The following SEC14L5 variants were observed in gnomAD, a reference collection of about 807,000 sequenced individuals.
SEC14L5 encodes SEC14 like lipid binding 5, also known as SEC14-like protein 5.
Under a neutral mutation model 84.6 loss-of-function variants are expected in SEC14L5, and 96 were observed. The observed-to-expected ratio is 1.13, with a 90% CI of 0.96 to 1.34. The LOEUF is 1.34. Ranked by LOEUF, SEC14L5 falls within the 40% of genes most tolerant of loss-of-function variation. The pLI is 0.00. For missense variants in SEC14L5, 1,224 were observed against 942.5 expected (o/e 1.30, Z -3.91); for synonymous variants, 546 against 383.4 (o/e 1.42, Z -4.95).
chr16:4,996,371 A>G lies in SEC14L5; in HGVS notation c.691A>G (p.Ile231Val), dbSNP rs1205313800. The change falls in exon 7 of 16, where the codon ATT (isoleucine) becomes GTT (valine). Residue 231 changes from isoleucine (I) to valine (V), a missense_variant. By Grantham distance (29) the Ile-to-Val change is conservative. Coordinates refer to ENST00000251170, the MANE Select transcript of SEC14L5 (RefSeq NM_014692.2). ...AGGGGACAAGCTGGATGCGGACTAC[A>G]TTGAGAGGTGCCTGGGCCACCTCAC... ...MDGDKLDADY[I>V]ERCLGHLTPM... 1.3e-6 allele frequency: 2 copies of G among 1,562,772 alleles called. No individual in the cohort carries two copies. The highest frequency in any genetic ancestry group is 8.7e-7 in the Non-Finnish European group (1 of 1,154,076).
chr16:5,007,081 G>A (rs1486379996), intron 12 of SEC14L5, among the ~76,000 whole-genome samples: 1 of 152,148 alleles, frequency 6.6e-6, no homozygotes, highest in Admixed American at 6.5e-5. Context: ...GTGGGTTTGT[G>A]CCCTGGCTCA....
chr16:4,991,944 A>C lies in SEC14L5; in HGVS notation c.581A>C (p.Gln194Pro). 1.2e-6 allele frequency: 2 copies of C among 1,600,976 alleles called. No individual in the cohort carries two copies. The highest frequency in any genetic ancestry group is 1.7e-6 in the Non-Finnish European group (2 of 1,176,916). The stretch of plus-strand genomic sequence containing the variant: ...GTCCGTGAGGAGGATGCCCGCAACC[A>C]GGCTGGACCGAGGGACCCCAGCTCC... ...APVREEDARN[Q>P]AGPRDPSSLE... The change falls in exon 6 of 16, where the codon CAG becomes CCG. Residue 194 changes from glutamine (Q) to proline (P), a missense_variant. By Grantham distance (76) the Gln-to-Pro change is moderately conservative (BLOSUM62 -1). Transcript: ENST00000251170.
At chr16:4,975,930 A>T (rs1439305756) in intron 2 of SEC14L5, among the ~76,000 whole-genome samples, 3 of 152,176 alleles carry the variant, frequency 2.0e-5, no homozygotes, top group African/African-American at 7.2e-5. Context: ...CAGCTTGGAT[A>T]TTCTTTCTGC....
chr16:4,998,670 G>A (rs374534220), intron 8 of SEC14L5, among the ~76,000 whole-genome samples: 4,163 of 147,214 alleles, frequency 0.028, 196 homozygotes, highest in African/African-American at 0.098. Flanking sequence ...CCCGGGAGGC[G>A]GAGCTTGCAG....
At chr16:4,977,865 A>G (rs912525494) in intron 2 of SEC14L5, among the ~76,000 whole-genome samples, 1 of 151,412 alleles carries the variant, frequency 6.6e-6, no homozygotes, top group Non-Finnish European at 1.5e-5. Flanking sequence ...CAGTGGCATG[A>G]TCTCGGCTCA....
chr16:4,968,740 C>T (rs563029450), intron 2 of SEC14L5, among the ~76,000 whole-genome samples: 2 of 152,210 alleles, frequency 1.3e-5, no homozygotes, highest in East Asian at 1.9e-4. Flanking sequence ...AGCCCAGTAG[C>T]GTCAGGTCAT....
chr16:4,980,382 A>T (rs887495813), intron 2 of SEC14L5, among the ~76,000 whole-genome samples: 5 of 152,130 alleles, frequency 3.3e-5, no homozygotes, highest in African/African-American at 1.2e-4. Flanking sequence ...GCCCCAGCAG[A>T]CCAGCCTCCC....
intron 2 of SEC14L5, 146 bp downstream of exon 2, chr16:4,959,532 A>G (rs982090783): frequency 1.4e-5 from 10 of 707,454 alleles, no homozygotes; most frequent in African/African-American, 8.8e-5. Flanking sequence ...TTTAACTTCT[A>G]TCCAGTGACC....
At chr16:4,996,811 C>A (rs1024621044) in intron 7 of SEC14L5, 44 bp from the exon 8 acceptor site, 43 of 1,478,558 alleles carry the variant, frequency 2.9e-5, no homozygotes, top group Non-Finnish European at 3.8e-5. Flanking sequence ...TCTGCTGGGT[C>A]AGGGGATACC....
At chr16:5,008,352 C>A in intron 13 of SEC14L5, 69 bp from the exon 14 acceptor site, 2 of 1,157,244 alleles carry the variant, frequency 1.7e-6, no homozygotes, top group Non-Finnish European at 2.5e-6. Context: ...GCCCCTCCTG[C>A]CACTGTGTTC....
rs756268529 is a variant in SEC14L5, at chr16:4,991,804, G to A, written c.475-34G>A. 3.6e-5 allele frequency: 54 copies of A among 1,505,776 alleles called. No individual in the cohort carries two copies. In the African/African-American group the frequency reaches 4.7e-4, roughly 13 times the overall value. The allele number at this position is 1,505,776 out of a possible 1,614,324, so 93.3% of individuals were successfully genotyped here. ...CTGTGACCCCCCTCCATCCTGCCCC[G>A]TGCTCATGTGTCTTGGGTCTCTCTG... On this transcript the variant is annotated intron_variant, in intron 5 of 15. Coordinates refer to ENST00000251170, the MANE Select transcript of SEC14L5 (RefSeq NM_014692.2).
In SEC14L5 at chr16:5,011,092, C is replaced by T. The variant is rs368124680; in HGVS notation, c.1801-3C>T. ...GCCTCAGGGCAGGGCTGATGTGTTTCAGGGCTCCCATGTGACCCGGTGGCC... is the reference window on the plus strand; with the variant it reads ...GCCTCAGGGCAGGGCTGATGTGTTTTAGGGCTCCCATGTGACCCGGTGGCC... On this transcript the variant is annotated splice_region_variant and splice_polypyrimidine_tract_variant and intron_variant, in intron 14 of 15. Coordinates refer to ENST00000251170, the MANE Select transcript of SEC14L5 (RefSeq NM_014692.2). The T allele has an allele frequency of 1.9e-6, 3 of 1,594,500 alleles. No homozygotes were observed. The highest frequency in any genetic ancestry group is 1.8e-5 in the Admixed American group (1 of 56,918).
chr16:4,964,303 C>A (rs1955166050), intron 2 of SEC14L5, among the ~76,000 whole-genome samples: 1 of 151,992 alleles, frequency 6.6e-6, no homozygotes. Context: ...TGGTAAAGAA[C>A]CAGGGCCGGG....
chr16:4,987,220 A>C (rs1217306202), intron 2 of SEC14L5, among the ~76,000 whole-genome samples: 2 of 126,830 alleles, frequency 1.6e-5, no homozygotes, highest in Non-Finnish European at 3.5e-5. Context: ...TTTTTTTATC[A>C]TGAAGGGGTG....
chr16:4,984,088 A>G (rs2908644), intron 2 of SEC14L5, among the ~76,000 whole-genome samples: 78,316 of 151,844 alleles, frequency 0.52, 20,471 homozygotes, highest in East Asian at 0.73. Context: ...TAGATTCATA[A>G]TATTGTGCAA....
intron 10 of SEC14L5, among the ~76,000 whole-genome samples, chr16:5,001,175 G>A (rs1955672518): frequency 6.6e-6 from 1 of 151,624 alleles, no homozygotes; most frequent in Non-Finnish European, 1.5e-5. Flanking sequence ...AGCTGGATTT[G>A]AACCTGGGGT....
At chr16:5,004,060 A>G (rs990985147) in intron 11 of SEC14L5, among the ~76,000 whole-genome samples, 1 of 152,224 alleles carries the variant, frequency 6.6e-6, no homozygotes. Context: ...GTGTGGGCAA[A>G]AGCCTGGAGG....
In SEC14L5 at chr16:4,961,584, C is replaced by T. The variant is rs1187968332; in HGVS notation, c.63+2198C>T. Reference sequence around the variant, plus strand: ...CCTCAAGTGATCCACTAGCCTCGGCCTCCCAAAGTGCTGGGATTACAGGGG... The same window carrying T: ...CCTCAAGTGATCCACTAGCCTCGGCTTCCCAAAGTGCTGGGATTACAGGGG... On this transcript the variant is annotated intron_variant, in intron 2 of 15. Transcript: ENST00000251170. 3.3e-5 allele frequency among the ~76,000 whole-genome samples: 5 copies of T among 152,328 alleles called. No homozygotes were observed. The East Asian group carries it at 9.7e-4, about 29-fold the overall frequency.
chr16:5,000,591 C>T (rs1213660307), intron 8 of SEC14L5, 64 bp from the exon 9 acceptor site: 6 of 1,281,638 alleles, frequency 4.7e-6, no homozygotes, highest in South Asian at 3.9e-5. Flanking sequence ...CAGCTGTGAC[C>T]TGCCCCTCGG....
Sources: gnomAD v4.1 joint callset for allele counts (sites outside exome capture counted in the v4.1 genomes callset) on GRCh38, gnomAD v4.1.1 for gene constraint, MANE v1.5 for transcripts, NCBI Gene and HGNC (gene_info 2026-07-23, HGNC 2026-07-21) for gene names.